Variants in PCDHA10 observed in about 807,000 individuals in gnomAD.
PCDHA10 encodes the protein protocadherin alpha 10.
In PCDHA10, 45 loss-of-function variants were observed where a neutral mutation model predicts 61.2. That is an observed-to-expected ratio of 0.74 (90% CI 0.58 to 0.94). The LOEUF is 0.94. Among genes scored for constraint, PCDHA10 ranks in the 40% least tolerant of loss-of-function variants. The probability of loss-of-function intolerance (pLI) is 0.00; values close to 1 mark genes in which losing one functional copy is unlikely to be tolerated. For missense variants in PCDHA10, 1,278 were observed against 1,236.2 expected, an observed-to-expected ratio of 1.03 and a Z score of -0.51; for synonymous variants, 602 against 548.8, an observed-to-expected ratio of 1.10 and a Z score of -1.35.
chr5:140,995,466 T>A (rs1325738929), intron 3 of PCDHA10, among the ~76,000 whole-genome samples: 1 of 152,196 alleles, frequency 6.6e-6, no homozygotes, highest in Non-Finnish European at 1.5e-5. Flanking sequence ...ATTTTTGAAA[T>A]TTTTCATTTA....
intron 3 of PCDHA10, among the ~76,000 whole-genome samples, chr5:140,999,702 T>A (rs78322991): frequency 6.6e-6 from 1 of 152,136 alleles, no homozygotes; most frequent in South Asian, 2.1e-4. Context: ...GATTTTTTTT[T>A]AGCTAACTAC....
intron 3 of PCDHA10, among the ~76,000 whole-genome samples, chr5:141,000,383 CTCTCTCTCTCTCTATA>C (rs1346959358): frequency 3.2e-5 from 2 of 63,198 alleles, no homozygotes; most frequent in African/African-American, 1.4e-4. Context: ...CTCTCTCTCT[CTCTCTCTCTCTCTATA>C]TATATATATA....
intron 1 of PCDHA10, chr5:140,861,384 C>G (rs1354784257): frequency 2.5e-5 from 11 of 437,330 alleles, no homozygotes; most frequent in African/African-American, 2.2e-4. Context: ...TGCGCAGGAC[C>G]TGGGTCTGGA....
intron 1 of PCDHA10, chr5:140,969,060 A>T (rs2096292130): frequency 6.2e-7 from 1 of 1,614,012 alleles, no homozygotes. Context: ...AACAATATTG[A>T]TGCCAGGATA....
intron 1 of PCDHA10, among the ~76,000 whole-genome samples, chr5:140,955,262 CT>C (rs1165777806): frequency 3.9e-5 from 6 of 152,044 alleles, no homozygotes; most frequent in African/African-American, 1.4e-4. Flanking sequence ...TATAAAGGCT[CT>C]TTTTTGGTTC....
chr5:140,883,580 AC>A, intron 1 of PCDHA10: 1 of 1,613,994 alleles, frequency 6.2e-7, no homozygotes. Flanking sequence ...GCTGTGGGCC[AC>A]GGCCAGCGTG....
At chr5:140,864,861 G>C (rs2048633310) in intron 1 of PCDHA10, 1 of 152,100 alleles carries the variant, frequency 6.6e-6, no homozygotes, top group African/African-American at 2.4e-5. Flanking sequence ...ATGATGAAGG[G>C]TGATACCATT....
chr5:140,967,627 C>T (rs1218869340), intron 1 of PCDHA10: 5 of 1,614,158 alleles, frequency 3.1e-6, no homozygotes, highest in South Asian at 2.2e-5. Context: ...CGGATGAGGG[C>T]TCCAATGGTG....
rs2044400350 is a variant in PCDHA10 at position 140,857,181 on chromosome 5, C to G, written c.1133C>G (p.Ser378Ter). The change falls in exon 1 of 4, where the codon TCA becomes TGA. Residue 378 changes from serine (S) to a stop codon, truncating the protein, a stop_gained. Transcript: ENST00000307360. LOFTEE classifies it high-confidence loss of function. ...CTAATCAGCGTTTCTGACCATGATT[C>G]AGGAGCCAACGGACAGGTCACCTGC... ...IALISVSDHD[S>*]GANGQVTCSL... 1 of 1,598,486 alleles carries G rather than the reference C, an allele frequency of 6.3e-7. No individual in the cohort carries two copies. Among genetic ancestry groups the G allele is most frequent in the East Asian group, 2.2e-5 (1 of 44,842 alleles).
At chr5:140,962,759 G>A (rs1554226222) in intron 1 of PCDHA10, among the ~76,000 whole-genome samples, 1 of 152,114 alleles carries the variant, frequency 6.6e-6, no homozygotes, top group Admixed American at 6.5e-5. Flanking sequence ...AATCCTATTC[G>A]TTTTTAACAA....
At chr5:140,948,708 C>T (rs1376587735) in intron 1 of PCDHA10, among the ~76,000 whole-genome samples, 1 of 151,114 alleles carries the variant, frequency 6.6e-6, no homozygotes, top group Non-Finnish European at 1.5e-5. Flanking sequence ...TGTGTTCTAT[C>T]CTCTTTTTTA....
intron 3 of PCDHA10, among the ~76,000 whole-genome samples, chr5:140,989,700 C>T (rs1367211310): frequency 6.6e-6 from 1 of 152,178 alleles, no homozygotes; most frequent in East Asian, 1.9e-4. Flanking sequence ...AAAATTTTAT[C>T]TTCAGAGGCA....
At chr5:140,906,162 G>A (rs1421474866) in intron 1 of PCDHA10, among the ~76,000 whole-genome samples, 1 of 152,064 alleles carries the variant, frequency 6.6e-6, no homozygotes, top group Non-Finnish European at 1.5e-5. Flanking sequence ...GACACACCCA[G>A]GAACAATACT....
chr5:140,976,556 T>G (rs2096722872), intron 1 of PCDHA10, among the ~76,000 whole-genome samples: 1 of 151,920 alleles, frequency 6.6e-6, no homozygotes, highest in African/African-American at 2.4e-5. Flanking sequence ...ATCTCATAAA[T>G]AAATAAATAA....
In PCDHA10 at chr5:141,011,214, T is replaced by C. The variant is rs2098419822; in HGVS notation, c.*1277T>C. On this transcript the variant is annotated 3_prime_UTR_variant, in exon 4 of 4. Transcript: ENST00000307360. ...ATTGTTTTCTCATACAGTGAGCAGA[T>C]TTTTCAATCTACTAATTCTGTGACT... 1 of 153,748 alleles carries C rather than the reference T, an allele frequency of 6.5e-6. No individual in the cohort carries two copies. Among genetic ancestry groups the C allele is most frequent in the African/African-American group, 2.4e-5 (1 of 41,448 alleles). The allele number at this position is 153,748 out of a possible 1,614,324, so 9.5% of individuals were successfully genotyped here. A position where few individuals can be genotyped will look rare whatever the true frequency, so the allele number is the denominator to read the frequency against.
At chr5:140,928,041 C>T (rs2084880685) in intron 1 of PCDHA10, 3 of 1,613,398 alleles carry the variant, frequency 1.9e-6, no homozygotes, top group Non-Finnish European at 2.5e-6. Context: ...CTAGTGCAGG[C>T]CCTTTTCAGC....
chr5:140,913,276 CT>C (rs1468388675), intron 1 of PCDHA10, among the ~76,000 whole-genome samples: 1 of 152,070 alleles, frequency 6.6e-6, no homozygotes, highest in Non-Finnish European at 1.5e-5. Flanking sequence ...TGTTATTGGT[CT>C]GTTTAGGTTT....
chr5:140,988,214 A>AG (rs1408259452), intron 3 of PCDHA10, among the ~76,000 whole-genome samples: 28 of 152,200 alleles, frequency 1.8e-4, no homozygotes, highest in Non-Finnish European at 4.4e-5. Flanking sequence ...AGGAAAAAAA[A>AG]ATGAGATCAG....
chr5:140,946,980 T>G (rs757011315), intron 1 of PCDHA10, among the ~76,000 whole-genome samples: 4 of 151,702 alleles, frequency 2.6e-5, no homozygotes, highest in Non-Finnish European at 5.9e-5. Context: ...AATAGAGGAT[T>G]TTGAGTGTTC....
Sources: allele counts gnomAD v4.1 joint callset (sites outside exome capture counted in the v4.1 genomes callset), GRCh38; gene constraint gnomAD v4.1.1; transcripts MANE v1.5; gene names NCBI Gene and HGNC (gene_info 2026-07-23, HGNC 2026-07-21).